TINAG: variants seen among roughly 807,000 people sequenced by gnomAD.
TINAG encodes the protein tubulointerstitial nephritis antigen.
A neutral mutation model predicts 72.7 loss-of-function variants in TINAG; 83 were observed. The observed-to-expected ratio is 1.14, with a 90% CI of 0.96 to 1.37. The LOEUF (loss-of-function observed/expected upper bound fraction) is 1.37, where lower values mean the gene tolerates loss of function less well. TINAG is among the 40% of genes most tolerant of loss of function. The pLI is 0.00. For synonymous variants in TINAG, 234 were observed against 189.9 expected, an observed-to-expected ratio of 1.23 and a Z score of -1.91; for missense variants, 685 against 576.6, an observed-to-expected ratio of 1.19 and a Z score of -1.93.
At chr6:54,341,663 T>C (rs557185363) in intron 4 of TINAG, among the ~76,000 whole-genome samples, 1 of 152,334 alleles carries the variant, frequency 6.6e-6, no homozygotes, top group East Asian at 1.9e-4. Context: ...AGCTATTATG[T>C]ACTTATCAGA....
chr6:54,318,743 G>A (rs1359981316), intron 1 of TINAG, among the ~76,000 whole-genome samples: 3 of 152,126 alleles, frequency 2.0e-5, no homozygotes, highest in East Asian at 1.9e-4. Context: ...TGAGGGATCC[G>A]TTGGAGTTGG....
At chr6:54,310,653 T>C (rs1784224718) in intron 1 of TINAG, among the ~76,000 whole-genome samples, 1 of 149,712 alleles carries the variant, frequency 6.7e-6, no homozygotes, top group African/African-American at 2.5e-5. Context: ...TCTTTCTTTC[T>C]CTTTCTTTTT....
At chr6:54,341,493 C>T (rs1191981716) in intron 4 of TINAG, among the ~76,000 whole-genome samples, 1 of 152,106 alleles carries the variant, frequency 6.6e-6, no homozygotes, top group African/African-American at 2.4e-5. Flanking sequence ...AAAATAGCAG[C>T]AATGGACCTC....
chr6:54,339,433 A>T lies in TINAG; in HGVS notation c.625-3793A>T, dbSNP rs539148782. Among the ~76,000 whole-genome samples, 230 of 152,268 alleles carry T rather than the reference A, an allele frequency of 1.5e-3. 2 individuals carry two copies. The highest frequency in any genetic ancestry group is 5.0e-3 in the African/African-American group (209 of 41,562). ...TTCTGCCAACAGAAAAATACGAAAG[A>T]TCAAGACAAAGGAGTAAAAGTCAAG... On this transcript the variant is annotated intron_variant, in intron 4 of 10. Transcript: ENST00000259782.
upstream of TINAG, chr6:54,308,224 G>A: frequency 9.3e-7 from 1 of 1,078,226 alleles, no homozygotes; most frequent in South Asian, 1.4e-5. Flanking sequence ...GATTTTTTGA[G>A]AGGCATGCAA....
At chr6:54,368,779 T>A (rs187488540) in intron 9 of TINAG, among the ~76,000 whole-genome samples, 1 of 151,782 alleles carries the variant, frequency 6.6e-6, no homozygotes, top group African/African-American at 2.4e-5. Flanking sequence ...TTAAATTGAA[T>A]TTTTTTAACT....
At chr6:54,327,263 A>C in intron 4 of TINAG, 28 of 1,359,016 alleles carry the variant, frequency 2.1e-5, no homozygotes, top group Non-Finnish European at 2.2e-5. Flanking sequence ...GGTTCATCTC[A>C]TTGGGACTGG....
intron 4 of TINAG, among the ~76,000 whole-genome samples, chr6:54,340,043 T>C (rs556059081): frequency 2.0e-4 from 31 of 152,202 alleles, no homozygotes; most frequent in Non-Finnish European, 4.6e-4. Context: ...TCCACCACTC[T>C]TTTAGAGATT....
At chr6:54,334,317 A>G (rs1784811530) in intron 4 of TINAG, among the ~76,000 whole-genome samples, 1 of 152,174 alleles carries the variant, frequency 6.6e-6, no homozygotes, top group South Asian at 2.1e-4. Flanking sequence ...AGCAGGCAAG[A>G]TTATTGTTTC....
At chr6:54,341,148 C>G (rs1488490897) in intron 4 of TINAG, among the ~76,000 whole-genome samples, 3 of 152,210 alleles carry the variant, frequency 2.0e-5, no homozygotes, top group Admixed American at 6.5e-5. Flanking sequence ...TGACACTCCA[C>G]TATTTTTCTG....
chr6:54,380,152 G>A (rs1045507627), intron 9 of TINAG, among the ~76,000 whole-genome samples: 1 of 152,050 alleles, frequency 6.6e-6, no homozygotes, highest in Non-Finnish European at 1.5e-5. Context: ...GTATATATGT[G>A]CCACATTTTC....
At chr6:54,360,713 A>G (rs887145846) in intron 9 of TINAG, among the ~76,000 whole-genome samples, 1 of 151,630 alleles carries the variant, frequency 6.6e-6, no homozygotes, top group African/African-American at 2.4e-5. Flanking sequence ...AATTACAGGA[A>G]AGAATTAGTA....
chr6:54,371,979 A>ATTTT (rs1163683712), intron 9 of TINAG, among the ~76,000 whole-genome samples: 1 of 77,266 alleles, frequency 1.3e-5, no homozygotes, highest in Non-Finnish European at 2.8e-5. Context: ...CTTTCAAGTC[A>ATTTT]TGTTTTTTTT....
chr6:54,380,393 T>C, intron 9 of TINAG, 133 bp from the exon 10 acceptor site: 2 of 627,642 alleles, frequency 3.2e-6, no homozygotes, highest in South Asian at 4.5e-5. Context: ...GCAATGGTGA[T>C]ATTTCCATTG....
At chr6:54,335,631 T>C (rs1260605295) in intron 4 of TINAG, among the ~76,000 whole-genome samples, 1 of 152,210 alleles carries the variant, frequency 6.6e-6, no homozygotes, top group East Asian at 1.9e-4. Context: ...CTGGAAGCTT[T>C]GGAAAGCTAT....
intron 10 of TINAG, 119 bp from the exon 11 acceptor site, chr6:54,389,666 TTCTTGA>T: frequency 1.7e-6 from 2 of 1,194,248 alleles, no homozygotes; most frequent in Non-Finnish European, 2.3e-6. Context: ...AATAGGTAAG[TTCTTGA>T]TAATTATAGT....
chr6:54,318,494 C>G (rs1352186810), intron 1 of TINAG, among the ~76,000 whole-genome samples: 1 of 152,116 alleles, frequency 6.6e-6, no homozygotes, highest in African/African-American at 2.4e-5. Context: ...CCACCTACTT[C>G]TCTCTATCCT....
chr6:54,343,527 C>A (rs115767777), intron 5 of TINAG, among the ~76,000 whole-genome samples, 178 bp downstream of exon 5: 2,835 of 144,322 alleles, frequency 0.02, 78 homozygotes, highest in African/African-American at 0.07. Flanking sequence ...CATTTTTAGT[C>A]TAAAAGTTTT....
rs143296553 is a variant in TINAG at position 54,330,932 on chromosome 6, C to T, written c.624+4016C>T. Among the ~76,000 whole-genome samples the T allele has an allele frequency of 3.7e-3, 568 of 152,244 alleles. 6 individuals are homozygous for T. Among genetic ancestry groups the T allele is most frequent in the African/African-American group, 0.013 (537 of 41,538 alleles). The stretch of plus-strand genomic sequence containing the variant: ...AAGAATTTGAATCCCTGCACAAAGA[C>T]CAGTAACAAGTTCTGAAATTGAGGC... On this transcript the variant is annotated intron_variant, in intron 4 of 10. Transcript: ENST00000259782.
Sources: allele counts gnomAD v4.1 joint callset (sites outside exome capture counted in the v4.1 genomes callset), GRCh38; gene constraint gnomAD v4.1.1; transcripts MANE v1.5; gene names NCBI Gene and HGNC (gene_info 2026-07-23, HGNC 2026-07-21).